Variants in ZMAT4 observed in about 807,000 individuals in gnomAD.
ZMAT4 encodes the protein zinc finger matrin-type 4.
Under a neutral mutation model 28.7 loss-of-function variants are expected in ZMAT4, and 17 were observed. The observed-to-expected ratio is 0.59, with a 90% CI of 0.41 to 0.89. The LOEUF (loss-of-function observed/expected upper bound fraction) is 0.89, where lower values mean the gene tolerates loss of function less well. Ranked by LOEUF, ZMAT4 falls within the 40% of genes least tolerant of loss-of-function variation. ZMAT4 has a pLI of 0.00. For synonymous variants in ZMAT4, 117 were observed against 109.2 expected (o/e 1.07, Z -0.44); for missense variants, 240 against 283.8 (o/e 0.85, Z 1.11).
chr8:40,883,240 A>G (rs2150665569), intron 1 of ZMAT4, among the ~76,000 whole-genome samples: 1 of 152,226 alleles, frequency 6.6e-6, no homozygotes, highest in Admixed American at 6.5e-5. Flanking sequence ...CAGGTATGTG[A>G]CCTTGGACGG....
chr8:40,550,172 A>T (rs1563335941), intron 6 of ZMAT4, among the ~76,000 whole-genome samples: 1 of 152,004 alleles, frequency 6.6e-6, no homozygotes, highest in South Asian at 2.1e-4. Context: ...TGCAGCAGGG[A>T]TTTTAAAGCA....
intron 1 of ZMAT4, among the ~76,000 whole-genome samples, chr8:40,830,541 T>C (rs72641571): frequency 0.13 from 19,544 of 152,276 alleles, 1,648 homozygotes; most frequent in Non-Finnish European, 0.18. Flanking sequence ...TGGTATTCCA[T>C]GGTATATATG....
At chr8:40,708,577 C>T (rs1585914997) in intron 3 of ZMAT4, among the ~76,000 whole-genome samples, 1 of 39,092 alleles carries the variant, frequency 2.6e-5, no homozygotes, top group Non-Finnish European at 4.7e-5. Context: ...CTCTTTCTCT[C>T]TCTCTCTCTC....
At chr8:40,590,593 A>G (rs1290116100) in intron 5 of ZMAT4, among the ~76,000 whole-genome samples, 1 of 152,106 alleles carries the variant, frequency 6.6e-6, no homozygotes, top group African/African-American at 2.4e-5. Context: ...TTCTTAAACT[A>G]CAACTGTCAA....
intron 4 of ZMAT4, among the ~76,000 whole-genome samples, chr8:40,695,605 C>T (rs575751770): frequency 4.1e-4 from 63 of 152,284 alleles, no homozygotes; most frequent in South Asian, 3.7e-3. Context: ...GGCTGTACTT[C>T]GCTTTTTCCT....
chr8:40,801,365 T>TATATATAC (rs1563493767), intron 2 of ZMAT4, among the ~76,000 whole-genome samples: 7 of 144,302 alleles, frequency 4.9e-5, no homozygotes, highest in African/African-American at 1.3e-4. Flanking sequence ...TATATATATA[T>TATATATAC]ATATATACAT....
chr8:40,884,192 C>T lies in ZMAT4; in HGVS notation c.-5+13491G>A, dbSNP rs764346434. 1.8e-4 allele frequency among the ~76,000 whole-genome samples: 28 copies of T among 151,448 alleles called. 1 individual carries two copies. Among genetic ancestry groups the T allele is most frequent in the Non-Finnish European group, 2.7e-4 (18 of 67,908 alleles). ...AAGAGGGTCCCCCACCCCGCCTCAC[C>T]CACCCCATCACATGGCCTCTGGCTA... On this transcript the variant is annotated intron_variant, in intron 1 of 6. Coordinates refer to ENST00000297737, the MANE Select transcript of ZMAT4 (RefSeq NM_024645.3).
At chr8:40,654,678 T>C (rs1369174708) in intron 5 of ZMAT4, among the ~76,000 whole-genome samples, 1 of 152,088 alleles carries the variant, frequency 6.6e-6, no homozygotes, top group African/African-American at 2.4e-5. Flanking sequence ...ATAAATGTAA[T>C]TCATGGAATA....
At chr8:40,597,964 A>G (rs1374375841) in intron 5 of ZMAT4, among the ~76,000 whole-genome samples, 1 of 152,192 alleles carries the variant, frequency 6.6e-6, no homozygotes, top group African/African-American at 2.4e-5. Context: ...AGTAACTATA[A>G]TGTGTCTCTT....
Position 40,794,897 on chromosome 8 carries a change from T to A in ZMAT4, c.103-27167A>T, listed in dbSNP as rs1487637373. Reference sequence around the variant, plus strand: ...TACAGGTGGCGGGGGAGGGTGGGCATTGGGCAAAAGTGGCAAATGGAATCT... The same window carrying A: ...TACAGGTGGCGGGGGAGGGTGGGCAATGGGCAAAAGTGGCAAATGGAATCT... On this transcript the variant is annotated intron_variant, in intron 2 of 6. Transcript: ENST00000297737. Among the ~76,000 whole-genome samples the A allele has an allele frequency of 4.6e-5, 7 of 151,860 alleles. No individual in the cohort carries two copies. The East Asian group carries it at 1.4e-3, about 29-fold the overall frequency.
chr8:40,687,227 A>T (rs1373319512), intron 4 of ZMAT4, among the ~76,000 whole-genome samples: 3 of 152,230 alleles, frequency 2.0e-5, no homozygotes, highest in African/African-American at 7.2e-5. Flanking sequence ...ACTTAATGAC[A>T]CTTGAGACAC....
intron 1 of ZMAT4, among the ~76,000 whole-genome samples, chr8:40,855,159 C>T (rs778934822): frequency 2.6e-5 from 4 of 152,160 alleles, no homozygotes; most frequent in Non-Finnish European, 4.4e-5. Flanking sequence ...AAATTGGCCA[C>T]CTGCCCACTT....
chr8:40,612,463 C>T (rs1219565371), intron 5 of ZMAT4, among the ~76,000 whole-genome samples: 2 of 138,036 alleles, frequency 1.4e-5, no homozygotes, highest in African/African-American at 5.0e-5. Flanking sequence ...CACACAGTAT[C>T]CATTCCTTAA....
At chr8:40,779,155 A>C (rs2150570454) in intron 2 of ZMAT4, among the ~76,000 whole-genome samples, 1 of 152,252 alleles carries the variant, frequency 6.6e-6, no homozygotes, top group South Asian at 2.1e-4. Context: ...GTAGTGAATA[A>C]GTCTCACAAG....
In ZMAT4 at chr8:40,581,278, G is replaced by T; in HGVS notation, c.578-17C>A. On this transcript the variant is annotated splice_polypyrimidine_tract_variant and intron_variant, in intron 5 of 6. Transcript: ENST00000297737. ...GCCTCAGACCTGTGGACAACAGACA[G>T]ACCTGGTTAGCTGCATCCAGTCGTC... The T allele has an allele frequency of 6.2e-7, 1 of 1,607,958 alleles. No individual in the cohort carries two copies. Among genetic ancestry groups the T allele is most frequent in the South Asian group, 1.1e-5 (1 of 90,882 alleles).
chr8:40,623,100 T>C (rs1806254678), intron 5 of ZMAT4, among the ~76,000 whole-genome samples: 1 of 152,036 alleles, frequency 6.6e-6, no homozygotes, highest in Non-Finnish European at 1.5e-5. Context: ...TTAAGAAGGC[T>C]TCTGTCTTAT....
chr8:40,801,351 A>AAATATATATATATAT (rs370796453), intron 2 of ZMAT4, among the ~76,000 whole-genome samples: 1 of 97,252 alleles, frequency 1.0e-5, no homozygotes, highest in African/African-American at 3.7e-5. Context: ...TAAAAAAAAA[A>AAATATATATATATAT]ATATATATAT....
intron 2 of ZMAT4, among the ~76,000 whole-genome samples, chr8:40,820,229 T>G (rs1017171495): frequency 6.6e-6 from 1 of 151,524 alleles, no homozygotes; most frequent in African/African-American, 2.4e-5. Context: ...TTTGTGTATG[T>G]GTGTGTACGT....
Position 40,626,218 on chromosome 8 carries a change from A to G in ZMAT4, c.578-44957T>C, listed in dbSNP as rs532084434. 1.4e-4 allele frequency among the ~76,000 whole-genome samples: 22 copies of G among 152,240 alleles called. No individual in the cohort carries two copies. In the Middle Eastern group the frequency reaches 0.014, roughly 95 times the overall value. ...GCAGATGACTAAGGAGAAATCCCTGAGGCACTTCCTTCCCTGGAATCAAGT... is the reference window on the plus strand; with the variant it reads ...GCAGATGACTAAGGAGAAATCCCTGGGGCACTTCCTTCCCTGGAATCAAGT... On this transcript the variant is annotated intron_variant, in intron 5 of 6. Coordinates refer to ENST00000297737, the MANE Select transcript of ZMAT4 (RefSeq NM_024645.3).
Sources: gnomAD v4.1 joint callset for allele counts (sites outside exome capture counted in the v4.1 genomes callset) on GRCh38, gnomAD v4.1.1 for gene constraint, MANE v1.5 for transcripts, NCBI Gene and HGNC (gene_info 2026-07-23, HGNC 2026-07-21) for gene names.